The following HNRNPK variants were observed in gnomAD, a reference collection of about 807,000 sequenced individuals.
The protein encoded by HNRNPK is dC-stretch binding protein.
Under a neutral mutation model 67.0 loss-of-function variants are expected in HNRNPK, and 7 were observed. That is an observed-to-expected ratio of 0.10 (90% CI 0.06 to 0.20). The LOEUF (loss-of-function observed/expected upper bound fraction) is 0.20. Among genes scored for constraint, HNRNPK ranks in the 10% least tolerant of loss-of-function variants. The pLI is 1.00. For missense variants in HNRNPK, 264 were observed against 606.5 expected (o/e 0.44, Z 5.93); for synonymous variants, 213 against 193.7 (o/e 1.10, Z -0.83).
intron 1 of HNRNPK, among the ~76,000 whole-genome samples, chr9:83,979,419 G>A (rs570240378): frequency 2.6e-5 from 4 of 152,310 alleles, no homozygotes; most frequent in Admixed American, 1.3e-4. Context: ...TAACGTTGCC[G>A]CTTGCCGTTC....
At chr9:83,974,345 TTAAA>T (rs1443137445) in intron 7 of HNRNPK, among the ~76,000 whole-genome samples, 168 bp downstream of exon 7, 3 of 139,428 alleles carry the variant, frequency 2.2e-5, no homozygotes, top group Admixed American at 2.1e-4. Context: ...GTTTTTTTTT[TTAAA>T]AAAAAAAAAA....
At chr9:83,974,159 A>G (rs946417888) in intron 7 of HNRNPK, among the ~76,000 whole-genome samples, 186 bp from the exon 8 acceptor site, 34 of 152,172 alleles carry the variant, frequency 2.2e-4, no homozygotes, top group African/African-American at 8.2e-4. Flanking sequence ...CTAGTGAATT[A>G]TGTAGAGTCT....
intron 16 of HNRNPK, 81 bp from the exon 17 acceptor site, chr9:83,969,521 T>G: frequency 1.2e-6 from 1 of 852,792 alleles, no homozygotes; most frequent in South Asian, 1.5e-5. Context: ...ATTTCAATGC[T>G]AAATTAAAAT....
chr9:83,969,563 C>G, intron 16 of HNRNPK, 123 bp from the exon 17 acceptor site: 1 of 697,198 alleles, frequency 1.4e-6, no homozygotes, highest in South Asian at 1.7e-5. Flanking sequence ...TAGAAGAGTT[C>G]AAAAACCATT....
chr9:83,974,123 CATAAA>C (rs1316718833), intron 7 of HNRNPK, 150 bp from the exon 8 acceptor site: 4 of 544,352 alleles, frequency 7.3e-6, no homozygotes, highest in South Asian at 2.9e-5. Context: ...CGATTCAAAA[CATAAA>C]ATATTTTTCT....
At chr9:83,970,388 G>C in intron 15 of HNRNPK, 57 bp from the exon 16 acceptor site, 2 of 1,300,404 alleles carry the variant, frequency 1.5e-6, no homozygotes, top group African/African-American at 1.5e-5. Flanking sequence ...TTTACTACCT[G>C]TATTTTCAAG....
intron 3 of HNRNPK, 86 bp from the exon 4 acceptor site, chr9:83,977,872 T>A: frequency 8.3e-6 from 7 of 840,036 alleles, no homozygotes; most frequent in Non-Finnish European, 1.4e-5. Flanking sequence ...GTTGCTAATC[T>A]TAGGCATGTT....
chr9:83,973,851 C>G, intron 8 of HNRNPK, 51 bp downstream of exon 8: 1 of 1,313,606 alleles, frequency 7.6e-7, no homozygotes, highest in Non-Finnish European at 1.1e-6. Flanking sequence ...ATAATCGATC[C>G]TATGGGCCAG....
chr9:83,979,825 G>A (rs1957292644), intron 1 of HNRNPK, among the ~76,000 whole-genome samples: 1 of 152,146 alleles, frequency 6.6e-6, no homozygotes, highest in Admixed American at 6.5e-5. Flanking sequence ...CCAAGGTGAG[G>A]CGGGGCTCAC....
In HNRNPK at chr9:83,968,386, A is replaced by G. The variant is rs1222461107; in HGVS notation, c.*1021T>C. ...ATACAATGGAAAAACAAGTATATATATATTTTACAAAGTTTAACTAATAAG... is the reference window on the plus strand; with the variant it reads ...ATACAATGGAAAAACAAGTATATATGTATTTTACAAAGTTTAACTAATAAG... On this transcript the variant is annotated 3_prime_UTR_variant, in exon 17 of 17. Transcript: ENST00000376263. 2.0e-5 allele frequency: 3 copies of G among 152,524 alleles called. No homozygotes were observed. The East Asian group carries it at 5.8e-4, about 29-fold the overall frequency. 9.4% of individuals were successfully genotyped at this position (152,524 alleles called of 1,614,324 possible). A position where few individuals can be genotyped will look rare whatever the true frequency, so the allele number is the denominator to read the frequency against.
At chr9:83,971,140 C>T in intron 13 of HNRNPK, 133 bp downstream of exon 13, 1 of 812,880 alleles carries the variant, frequency 1.2e-6, no homozygotes, top group Non-Finnish European at 2.1e-6. Context: ...CATAAAATCC[C>T]TCTTCAGGAA....
In HNRNPK at chr9:83,971,577, A is replaced by G. The variant is rs547641747; in HGVS notation, c.1008+95T>C. 28 of 1,060,504 alleles carry G rather than the reference A, an allele frequency of 2.6e-5. No homozygotes were observed. The East Asian group carries it at 6.2e-4, about 23-fold the overall frequency. The allele number at this position is 1,060,504 out of a possible 1,614,324, so 65.7% of individuals were successfully genotyped here. A position where few individuals can be genotyped will look rare whatever the true frequency, so the allele number is the denominator to read the frequency against. ...TCCAAACAAAATTTACTTGTAAGAAAAACTTTTTAATCACTATAACCTTCA... is the reference window on the plus strand; with the variant it reads ...TCCAAACAAAATTTACTTGTAAGAAGAACTTTTTAATCACTATAACCTTCA... On this transcript the variant is annotated intron_variant, in intron 12 of 16. Coordinates refer to ENST00000376263, the MANE Select transcript of HNRNPK (RefSeq NM_031263.4).
chr9:83,968,564 T>G lies in HNRNPK; in HGVS notation c.*843A>C, dbSNP rs1956682375. 6.6e-6 allele frequency: 1 copy of G among 152,616 alleles called. No homozygotes were observed. Among genetic ancestry groups the G allele is most frequent in the Non-Finnish European group, 1.5e-5 (1 of 68,038 alleles). The allele number at this position is 152,616 out of a possible 1,614,324, so 9.5% of individuals were successfully genotyped here. On this transcript the variant is annotated 3_prime_UTR_variant, in exon 17 of 17. Transcript: ENST00000376263. ...AGAATTCTGGTATATACTCATACCA[T>G]TACTCAACTTGTAGTACTGCTCCCC...
Position 83,978,221 on chromosome 9 carries a change from G to A in HNRNPK, c.32C>T (p.Pro11Leu), listed in dbSNP as rs749742128. METEQPEETF[P>L]NTETNGEFGK... ...AAATTCACCATTGGTTTCAGTGTTAGGGAAGGTTTCTTCTGGCTGTTCAGT... is the reference window on the plus strand; with the variant it reads ...AAATTCACCATTGGTTTCAGTGTTAAGGAAGGTTTCTTCTGGCTGTTCAGT... Residue 11 changes from proline to leucine, a missense_variant, in exon 3 of 17, where the codon CCT becomes CTT. Physicochemically the swap from Pro to Leu is moderately conservative, Grantham distance 98. This residue lies in a region of HNRNPK where 32 missense variants were observed against 45.6 expected (regional missense o/e 0.70). Coordinates refer to ENST00000376263, the MANE Select transcript of HNRNPK (RefSeq NM_031263.4). The A allele has an allele frequency of 6.8e-6, 11 of 1,610,898 alleles. No individual in the cohort carries two copies. The highest frequency in any genetic ancestry group is 8.5e-6 in the Non-Finnish European group (10 of 1,177,698).
intron 13 of HNRNPK, 23 bp downstream of exon 13, chr9:83,971,250 C>T (rs1350371884): frequency 6.8e-7 from 1 of 1,461,792 alleles, no homozygotes; most frequent in Admixed American, 1.7e-5. Flanking sequence ...CTGATATACA[C>T]ACGAACAACT....
Position 83,969,014 on chromosome 9 carries a change from T to C in HNRNPK, c.*393A>G. On this transcript the variant is annotated 3_prime_UTR_variant, in exon 17 of 17. Transcript: ENST00000376263. ...ATGCCAGGGACATGTGGACTATTGT[T>C]ACTTTTCCTCCCTGTCCCACCCCCC... The C allele has an allele frequency of 3.0e-6, 1 of 337,022 alleles. No homozygotes were observed. The highest frequency in any genetic ancestry group is 4.9e-5 in the South Asian group (1 of 20,288). 20.9% of individuals were successfully genotyped at this position (337,022 alleles called of 1,614,324 possible).
chr9:83,975,319 G>C (rs1957028440), intron 6 of HNRNPK, 143 bp downstream of exon 6: 1 of 768,980 alleles, frequency 1.3e-6, no homozygotes, highest in African/African-American at 1.7e-5. Context: ...GTGACAAAAA[G>C]ACTTAATGGG....
chr9:83,977,074 A>AT, intron 4 of HNRNPK, 23 bp from the exon 5 acceptor site: 1 of 1,591,946 alleles, frequency 6.3e-7, no homozygotes, highest in Non-Finnish European at 8.6e-7. Context: ...CAAAGACAAA[A>AT]AATTATTTTG....
intron 5 of HNRNPK, among the ~76,000 whole-genome samples, chr9:83,976,021 T>C (rs1366087065): frequency 6.6e-6 from 1 of 152,156 alleles, no homozygotes; most frequent in Admixed American, 6.5e-5. Context: ...CAGATAATTA[T>C]ACAGAACATC....
Sources: allele counts gnomAD v4.1 joint callset (sites outside exome capture counted in the v4.1 genomes callset), GRCh38; gene constraint gnomAD v4.1.1; regional missense constraint gnomAD v4.1.1; transcripts MANE v1.5; gene names NCBI Gene and HGNC (gene_info 2026-07-23, HGNC 2026-07-21).